The following SLA variants were observed in gnomAD, a reference collection of about 807,000 sequenced individuals.
The protein encoded by SLA is src-like-adapter.
Under a neutral mutation model 30.3 loss-of-function variants are expected in SLA, and 16 were observed. The observed-to-expected ratio is 0.53, with a 90% CI of 0.36 to 0.80. The LOEUF (loss-of-function observed/expected upper bound fraction) is 0.80. SLA is among the 30% of genes least tolerant of loss of function. The pLI is 0.01. For missense variants in SLA, 310 were observed against 345.2 expected (o/e 0.90, Z 0.81); for synonymous variants, 143 against 137.8 (o/e 1.04, Z -0.26).
rs200019421 is a variant in SLA, at chr8:133,040,076, G to A, written c.539C>T (p.Thr180Met). The part of the protein sequence containing the change: ...VLTTPCLTQS[T>M]AAPAVRASSS... ...GGAGGCCCTCACTGCTGGGGCAGCC[G>A]TGCTTTGTGTCAGGCAGGGCGTGGT... The change falls in exon 8 of 9, where the codon ACG (threonine) becomes ATG (methionine). Residue 180 changes from threonine (T) to methionine (M), a missense_variant. By Grantham distance (81) the Thr-to-Met change is moderately conservative. Coordinates refer to ENST00000338087, the MANE Select transcript of SLA (RefSeq NM_001045556.3). 977 of 1,559,780 alleles carry A rather than the reference G, an allele frequency of 6.3e-4. 10 individuals are homozygous for A. In the South Asian group the frequency reaches 9.5e-3, roughly 15 times the overall value.
rs1350222907 is a variant in SLA, at chr8:133,101,228, A to G, written c.-319+1325T>C. Among the ~76,000 whole-genome samples the G allele has an allele frequency of 2.6e-5, 4 of 152,196 alleles. No homozygotes were observed. The East Asian group carries it at 7.7e-4, about 29-fold the overall frequency. On this transcript the variant is annotated intron_variant, in intron 1 of 8. Coordinates refer to ENST00000338087, the MANE Select transcript of SLA (RefSeq NM_001045556.3). ...GGATTCTACCCCACACAGAACTGCA[A>G]GAGGGCACAGTGGACAACCAAGTGG... is the stretch of plus-strand genomic sequence containing the variant.
chr8:133,091,881 G>A (rs1847600982), intron 1 of SLA, among the ~76,000 whole-genome samples: 1 of 152,008 alleles, frequency 6.6e-6, no homozygotes, highest in Admixed American at 6.6e-5. Context: ...CTCTGTGTGA[G>A]TGTGTCTCTA....
chr8:133,039,868 G>T (rs2131069041), intron 8 of SLA, 130 bp downstream of exon 8: 1 of 1,451,188 alleles, frequency 6.9e-7, no homozygotes, highest in African/African-American at 1.4e-5. Flanking sequence ...CCCAGTTTCA[G>T]CAGGGCTGGC....
At chr8:133,055,361 GCGCGCACACA>G (rs1374645230) in intron 3 of SLA, among the ~76,000 whole-genome samples, 97 of 131,758 alleles carry the variant, frequency 7.4e-4, no homozygotes, top group Middle Eastern at 4.0e-3. Flanking sequence ...ACACACGCAC[GCGCGCACACA>G]CACACACACA....
chr8:133,063,326 G>C (rs1241663543), intron 2 of SLA, among the ~76,000 whole-genome samples: 1 of 151,454 alleles, frequency 6.6e-6, no homozygotes, highest in Admixed American at 6.6e-5. Flanking sequence ...TAAGCAGCAG[G>C]CTCCCACCAC....
In SLA at chr8:133,075,084, G is replaced by C; in HGVS notation, c.-272C>G. On this transcript the variant is annotated 5_prime_UTR_variant, in exon 2 of 9. Coordinates refer to ENST00000338087, the MANE Select transcript of SLA (RefSeq NM_001045556.3). ...AGGCACAGGGCTTGCAGAAGGGCAGGTTCCTGTTTTCAGTAACCACTCTGA... is the reference window on the plus strand; with the variant it reads ...AGGCACAGGGCTTGCAGAAGGGCAGCTTCCTGTTTTCAGTAACCACTCTGA... 1.0e-6 allele frequency: 1 copy of C among 985,440 alleles called. No individual in the cohort carries two copies. The highest frequency in any genetic ancestry group is 1.2e-6 in the Non-Finnish European group (1 of 829,934). 61.0% of individuals were successfully genotyped at this position (985,440 alleles called of 1,614,324 possible). A position where few individuals can be genotyped will look rare whatever the true frequency, so the allele number is the denominator to read the frequency against.
chr8:133,096,282 G>C (rs768445997), intron 1 of SLA: 3 of 1,614,238 alleles, frequency 1.9e-6, no homozygotes, highest in Non-Finnish European at 2.5e-6. Context: ...CCTCCAGCCA[G>C]AGCACTGAAG....
chr8:133,050,271 G>A (rs1256836477), intron 4 of SLA: 17 of 459,560 alleles, frequency 3.7e-5, no homozygotes, highest in East Asian at 2.3e-4. Context: ...AACTGTTGGA[G>A]GCTTTTTAAA....
At position 133,038,218 on chromosome 8, in the gene SLA, G is replaced by T. The variant is rs1449017172; in HGVS notation, c.*306C>A. On this transcript the variant is annotated 3_prime_UTR_variant, in exon 9 of 9. Coordinates refer to ENST00000338087, the MANE Select transcript of SLA (RefSeq NM_001045556.3). ...GCAGTCCTGGTGCCCTTTCTTGTGAGAGTGGCTTTGTCCTTCCCACACACA... is the reference window on the plus strand; with the variant it reads ...GCAGTCCTGGTGCCCTTTCTTGTGATAGTGGCTTTGTCCTTCCCACACACA... 2 of 384,530 alleles carry T rather than the reference G, an allele frequency of 5.2e-6. No homozygotes were observed. 23.8% of individuals were successfully genotyped at this position (384,530 alleles called of 1,614,324 possible).
In SLA at chr8:133,074,062, C is replaced by G. The variant is rs192882456; in HGVS notation, c.-41+791G>C. ...CAGGTCACTTCTTTGACACCAGGCT[C>G]TCTCCATATGTAGACACCTAAAAGA... On this transcript the variant is annotated intron_variant, in intron 2 of 8. Transcript: ENST00000338087. 1.9e-3 allele frequency among the ~76,000 whole-genome samples: 292 copies of G among 152,268 alleles called. 1 individual carries two copies. The highest frequency in any genetic ancestry group is 6.8e-3 in the African/African-American group (281 of 41,540).
intron 3 of SLA, 51 bp downstream of exon 3, chr8:133,060,049 C>G: frequency 6.6e-7 from 1 of 1,513,240 alleles, no homozygotes; most frequent in Non-Finnish European, 8.8e-7. Flanking sequence ...GTCTTTACCA[C>G]AGGCTCTTGT....
At chr8:133,069,339 G>A (rs911443611) in intron 2 of SLA, among the ~76,000 whole-genome samples, 12 of 152,232 alleles carry the variant, frequency 7.9e-5, no homozygotes, top group Non-Finnish European at 1.6e-4. Flanking sequence ...GCATTTGCCA[G>A]TGACCTGATC....
chr8:133,100,008 C>T (rs1849007708), intron 1 of SLA, among the ~76,000 whole-genome samples: 1 of 152,188 alleles, frequency 6.6e-6, no homozygotes, highest in African/African-American at 2.4e-5. Context: ...CTCCAGTGGC[C>T]TCCTCTCATG....
chr8:133,060,187 G>C lies in SLA; in HGVS notation c.-27C>G. ...TCTTTCTTTTTCCCTGGGGCCGCTG[G>C]TGATGCCCAGAGCCTGTGGTATAGG... is the stretch of plus-strand genomic sequence containing the variant. On this transcript the variant is annotated 5_prime_UTR_variant, in exon 3 of 9. Coordinates refer to ENST00000338087, the MANE Select transcript of SLA (RefSeq NM_001045556.3). 1 of 1,613,222 alleles carries C rather than the reference G, an allele frequency of 6.2e-7. No individual in the cohort carries two copies. Among genetic ancestry groups the C allele is most frequent in the East Asian group, 2.2e-5 (1 of 44,824 alleles).
chr8:133,096,943 G>A (rs949724644), intron 1 of SLA, among the ~76,000 whole-genome samples: 20 of 152,174 alleles, frequency 1.3e-4, no homozygotes, highest in Admixed American at 2.0e-4. Flanking sequence ...TCCTGCTCTC[G>A]CCAGAAGTTA....
chr8:133,053,983 A>G (rs992505061), intron 3 of SLA, among the ~76,000 whole-genome samples: 11 of 152,148 alleles, frequency 7.2e-5, no homozygotes, highest in Non-Finnish European at 1.5e-4. Context: ...AAACGGGACA[A>G]AGTCACTGGG....
At chr8:133,083,916 C>A (rs1439984260) in intron 1 of SLA, among the ~76,000 whole-genome samples, 1 of 152,184 alleles carries the variant, frequency 6.6e-6, no homozygotes, top group Non-Finnish European at 1.5e-5. Context: ...GCTCCCCTCT[C>A]TCTGCATGGA....
At chr8:133,088,881 GA>G (rs1847036139) in intron 1 of SLA, among the ~76,000 whole-genome samples, 1 of 152,120 alleles carries the variant, frequency 6.6e-6, no homozygotes, top group South Asian at 2.1e-4. Context: ...TAGGGATCAA[GA>G]AAACAAGATG....
intron 2 of SLA, among the ~76,000 whole-genome samples, chr8:133,071,306 C>T (rs770650073): frequency 5.9e-5 from 9 of 152,158 alleles, no homozygotes; most frequent in Non-Finnish European, 8.8e-5. Context: ...CATAATGTGT[C>T]GGAGTTTGCC....
Sources: gnomAD v4.1 joint callset for allele counts (sites outside exome capture counted in the v4.1 genomes callset) on GRCh38, gnomAD v4.1.1 for gene constraint, MANE v1.5 for transcripts, NCBI Gene and HGNC (gene_info 2026-07-23, HGNC 2026-07-21) for gene names.